Variants in RGS12 observed in about 807,000 individuals in gnomAD.
RGS12 encodes regulator of G-protein signaling 12.
In RGS12, 66 loss-of-function variants were observed where a neutral mutation model predicts 120.1. The ratio of observed to expected loss-of-function variants is 0.55; its 90% confidence interval spans 0.45 to 0.67. The LOEUF (loss-of-function observed/expected upper bound fraction) is 0.67, where lower values mean the gene tolerates loss of function less well. RGS12 is among the 30% of genes least tolerant of loss of function. The pLI, the probability that RGS12 is intolerant of heterozygous loss-of-function variation, is 0.00. For synonymous variants in RGS12, 827 were observed against 804.7 expected, an observed-to-expected ratio of 1.03 and a Z score of -0.47; for missense variants, 1,859 against 1,957.7, an observed-to-expected ratio of 0.95 and a Z score of 0.95.
intron 7 of RGS12, among the ~76,000 whole-genome samples, chr4:3,416,524 C>T (rs375368111): frequency 1.4e-4 from 21 of 152,286 alleles, no homozygotes; most frequent in East Asian, 1.4e-3. Flanking sequence ...CATGTCGCTG[C>T]GGCACGTGGG....
rs774712714 is a variant in RGS12 at position 3,430,593 on chromosome 4, G to A, written c.3752G>A (p.Arg1251Gln). 1.2e-4 allele frequency: 201 copies of A among 1,612,166 alleles called. No individual in the cohort carries two copies. Among genetic ancestry groups the A allele is most frequent in the Non-Finnish European group, 1.7e-4 (197 of 1,179,720 alleles). The change falls in exon 17 of 18, where the codon CGG becomes CAG. Residue 1251 changes from arginine (R) to glutamine (Q), a missense_variant. Physicochemically the swap from Arg to Gln is conservative, Grantham distance 43. This residue lies in a region of RGS12 where 517 missense variants were observed against 488.5 expected (regional missense o/e 1.06). Coordinates refer to ENST00000336727, the MANE Select transcript of RGS12 (RefSeq NM_001394154.1). ...FSKRSATGNGRESASQPGEQW... is the reference protein window; with the variant it reads ...FSKRSATGNGQESASQPGEQW... ...AAGAGAAGCGCCACAGGCAACGGCC[G>A]GGAGAGCGCCTCCCAGCCTGGCGAG...
chr4:3,350,004 T>C (rs1403590460), intron 3 of RGS12, among the ~76,000 whole-genome samples: 1 of 152,234 alleles, frequency 6.6e-6, no homozygotes, highest in Non-Finnish European at 1.5e-5. Flanking sequence ...TTAATAATTA[T>C]ACCTAGGTTA....
intron 4 of RGS12, among the ~76,000 whole-genome samples, chr4:3,387,546 G>C (rs1718983927): frequency 1.3e-5 from 2 of 152,186 alleles, no homozygotes; most frequent in African/African-American, 4.8e-5. Flanking sequence ...GAGACCAGAG[G>C]GATCCCGACA....
chr4:3,328,165 A>G (rs1218964640), intron 2 of RGS12, among the ~76,000 whole-genome samples: 1 of 152,234 alleles, frequency 6.6e-6, no homozygotes, highest in Non-Finnish European at 1.5e-5. Context: ...ACATGTTCAC[A>G]TTTATAAGCG....
At chr4:3,344,465 G>C (rs532629678) in intron 3 of RGS12, among the ~76,000 whole-genome samples, 2 of 152,330 alleles carry the variant, frequency 1.3e-5, no homozygotes, top group East Asian at 1.9e-4. Context: ...CACAAGTCCT[G>C]TTCATTTTCC....
Position 3,316,319 on chromosome 4 carries a change from G to A in RGS12, c.149G>A (p.Gly50Glu), listed in dbSNP as rs1724745263. ...APCVLSCVMR[G>E]SPADFVGLRA... ...TGTGTGCTCAGCTGCGTCATGAGAG[G>A]GAGCCCTGCGGATTTCGTGGGCCTC... is the stretch of plus-strand genomic sequence containing the variant. The change falls in exon 2 of 18, where the codon GGG becomes GAG. Residue 50 changes from glycine (G) to glutamate (E), a missense_variant. Gly to Glu is a moderately conservative substitution (Grantham distance 98). Around this residue, in one of 3 missense-constraint regions of RGS12, gnomAD observed 967 missense variants for 994.2 expected, o/e 0.97. Coordinates refer to ENST00000336727, the MANE Select transcript of RGS12 (RefSeq NM_001394154.1). 6.2e-7 allele frequency: 1 copy of A among 1,614,184 alleles called. No homozygotes were observed. Among genetic ancestry groups the A allele is most frequent in the African/African-American group, 1.3e-5 (1 of 75,064 alleles).
intron 3 of RGS12, chr4:3,370,165 G>C: frequency 6.4e-7 from 1 of 1,566,294 alleles, no homozygotes; most frequent in Non-Finnish European, 8.7e-7. Flanking sequence ...GAGCGAGAGG[G>C]AACTTCATCG....
chr4:3,428,337 C>A, intron 15 of RGS12, 168 bp downstream of exon 15: 1 of 807,316 alleles, frequency 1.2e-6, no homozygotes, highest in Non-Finnish European at 2.1e-6. Flanking sequence ...CTCCCTCTTA[C>A]CTGTGAAGGA....
Position 3,417,519 on chromosome 4 carries a change from G to A in RGS12, c.2739G>A (p.Arg913=), listed in dbSNP as rs765956087. The A allele has an allele frequency of 3.6e-5, 58 of 1,612,962 alleles. No homozygotes were observed. The highest frequency in any genetic ancestry group is 4.7e-5 in the Non-Finnish European group (55 of 1,179,970). The change falls in exon 9 of 18, where the codon AGG becomes AGA. Residue 913 remains arginine, a synonymous_variant. Transcript: ENST00000336727. ...TRSTGRSQKK[R]EHGDHADDAL... ...GCACCGGGAGGTCCCAGAAAAAGAG[G>A]GAGCACGGGGACCACGCAGACGGTT...
At chr4:3,425,373 T>C (rs891469660) in intron 13 of RGS12, 91 bp from the exon 14 acceptor site, 4 of 1,161,986 alleles carry the variant, frequency 3.4e-6, no homozygotes, top group Non-Finnish European at 5.2e-6. Flanking sequence ...CCATCAAGCC[T>C]AGGACAGTCA....
intron 2 of RGS12, among the ~76,000 whole-genome samples, chr4:3,330,392 G>C (rs867282604): frequency 5.9e-5 from 9 of 152,166 alleles, no homozygotes; most frequent in African/African-American, 2.2e-4. Flanking sequence ...CACCTTTCTT[G>C]TCTGGGGTAA....
rs765644658 is a variant in RGS12, at chr4:3,439,442, C to T, written c.4115-13C>T. 1 of 1,612,432 alleles carries T rather than the reference C, an allele frequency of 6.2e-7. No homozygotes were observed. The highest frequency in any genetic ancestry group is 1.1e-5 in the South Asian group (1 of 91,078). On this transcript the variant is annotated splice_polypyrimidine_tract_variant and intron_variant, in intron 17 of 17. Transcript: ENST00000336727. Reference sequence around the variant, plus strand: ...GGCCAGGCAAGTGACAGCTTCTCTTCTCCTTGTGACAGGAAGTGGGACCCA... The same window carrying T: ...GGCCAGGCAAGTGACAGCTTCTCTTTTCCTTGTGACAGGAAGTGGGACCCA...
chr4:3,365,402 G>A lies in RGS12; in HGVS notation c.1999-21014G>A, dbSNP rs1260350478. 6.6e-6 allele frequency among the ~76,000 whole-genome samples: 1 copy of A among 152,048 alleles called. No homozygotes were observed. The highest frequency in any genetic ancestry group is 2.4e-5 in the African/African-American group (1 of 41,404). On this transcript the variant is annotated intron_variant, in intron 3 of 17. Coordinates refer to ENST00000336727, the MANE Select transcript of RGS12 (RefSeq NM_001394154.1). This position sits in a 1 kb window ranked among gnomAD's most constrained non-coding sequence, Gnocchi z 4.0. ...GGAGGGAGGGAGGACAGGTCTTGAG[G>A]GAGGGAGGAGGGAGGGAGGTGGCAG...
At chr4:3,357,695 G>A (rs1354404833) in intron 3 of RGS12, among the ~76,000 whole-genome samples, 1 of 151,908 alleles carries the variant, frequency 6.6e-6, no homozygotes. Context: ...TTTATTTCTG[G>A]GCTTCCTGTT....
Position 3,342,610 on chromosome 4 carries a change from C to T in RGS12, c.1882-327C>T, listed in dbSNP as rs118079882. On this transcript the variant is annotated intron_variant, in intron 2 of 17. Transcript: ENST00000336727. Reference sequence around the variant, plus strand: ...TGTCCACTTTCCAAGCACCCTTGCACGTGATTTCATTTGATCTGGGTAACA... The same window carrying T: ...TGTCCACTTTCCAAGCACCCTTGCATGTGATTTCATTTGATCTGGGTAACA... 10,472 of 1,319,792 alleles carry T rather than the reference C, an allele frequency of 7.9e-3. 55 individuals are homozygous for T. Among genetic ancestry groups the T allele is most frequent in the Non-Finnish European group, 9.4e-3 (9,505 of 1,006,322 alleles). The allele number at this position is 1,319,792 out of a possible 1,614,324, so 81.8% of individuals were successfully genotyped here.
chr4:3,414,353 C>T (rs557423734), intron 5 of RGS12, 112 bp downstream of exon 5: 1 of 1,257,152 alleles, frequency 8.0e-7, no homozygotes, highest in South Asian at 1.6e-5. Flanking sequence ...CCCTGAGCAG[C>T]CCCGTGGCAG....
In RGS12 at chr4:3,414,180, C is replaced by G; in HGVS notation, c.2129C>G (p.Ala710Gly). The change falls in exon 5 of 18, where the codon GCC becomes GGC. Residue 710 changes from alanine (A) to glycine (G), a missense_variant. Physicochemically the swap from Ala to Gly is moderately conservative, Grantham distance 60 (BLOSUM62 0). Around this residue, in one of 3 missense-constraint regions of RGS12, gnomAD observed 967 missense variants for 994.2 expected, o/e 0.97. Transcript: ENST00000336727. ...SCRRLRERRVASWAVSFERLL... is the reference protein window; with the variant it reads ...SCRRLRERRVGSWAVSFERLL... ...CGGCGCCTGCGTGAGAGGAGGGTCGCCAGCTGGGCCGTGTCCTTTGAGCGC... is the reference window on the plus strand; with the variant it reads ...CGGCGCCTGCGTGAGAGGAGGGTCGGCAGCTGGGCCGTGTCCTTTGAGCGC... 6.4e-7 allele frequency: 1 copy of G among 1,552,170 alleles called. No homozygotes were observed. Among genetic ancestry groups the G allele is most frequent in the Non-Finnish European group, 8.7e-7 (1 of 1,152,958 alleles).
intron 3 of RGS12, among the ~76,000 whole-genome samples, chr4:3,357,196 T>A (rs1167230589): frequency 1.3e-5 from 2 of 152,218 alleles, no homozygotes; most frequent in Non-Finnish European, 2.9e-5. Context: ...AAATGTCTAC[T>A]CAAGTCCTTT....
intron 3 of RGS12, among the ~76,000 whole-genome samples, chr4:3,355,977 A>G (rs1714853620): frequency 6.6e-6 from 1 of 152,004 alleles, no homozygotes; most frequent in Non-Finnish European, 1.5e-5. Context: ...TCAAAATGCC[A>G]AGAGGTTTTT....
Sources: allele counts gnomAD v4.1 joint callset (sites outside exome capture counted in the v4.1 genomes callset), GRCh38; gene constraint gnomAD v4.1.1; regional missense constraint gnomAD v4.1.1; non-coding constraint Gnocchi (gnomAD v3.1); transcripts MANE v1.5; gene names NCBI Gene and HGNC (gene_info 2026-07-23, HGNC 2026-07-21).